Variants in HS6ST3 observed in about 807,000 individuals in gnomAD.
HS6ST3 encodes the protein heparan-sulfate 6-O-sulfotransferase 3.
Under a neutral mutation model 36.7 loss-of-function variants are expected in HS6ST3, and 12 were observed. That is an observed-to-expected ratio of 0.33 (90% confidence interval 0.21 to 0.53). The LOEUF is 0.53. HS6ST3 is among the 20% of genes least tolerant of loss of function. HS6ST3 has a pLI of 0.95. For missense variants in HS6ST3, 584 were observed against 640.9 expected, an observed-to-expected ratio of 0.91 and a Z score of 0.96; for synonymous variants, 240 against 257.5, an observed-to-expected ratio of 0.93 and a Z score of 0.65.
intron 1 of HS6ST3, among the ~76,000 whole-genome samples, chr13:96,496,302 G>A (rs1013047000): frequency 3.3e-5 from 5 of 152,156 alleles, no homozygotes; most frequent in African/African-American, 1.2e-4. Flanking sequence ...AAAATATTCT[G>A]TGGAACTCTG....
intron 1 of HS6ST3, among the ~76,000 whole-genome samples, chr13:96,441,178 G>C (rs1159617547): frequency 4.6e-5 from 7 of 152,132 alleles, no homozygotes; most frequent in African/African-American, 1.7e-4. Flanking sequence ...TAGATTTCCA[G>C]CCTCTAGAAC....
chr13:96,731,440 G>A (rs1012871646), intron 1 of HS6ST3, among the ~76,000 whole-genome samples: 1 of 152,050 alleles, frequency 6.6e-6, no homozygotes, highest in African/African-American at 2.4e-5. Context: ...TTTTATGGCT[G>A]TATAGTATCC....
At chr13:96,118,735 G>A (rs1366530276) in intron 1 of HS6ST3, among the ~76,000 whole-genome samples, 1 of 101,788 alleles carries the variant, frequency 9.8e-6, no homozygotes, top group Non-Finnish European at 1.8e-5. Flanking sequence ...ACGGAGTCTC[G>A]CTCTGTCGCC....
At chr13:96,367,582 C>T (rs1594764216) in intron 1 of HS6ST3, among the ~76,000 whole-genome samples, 1 of 152,206 alleles carries the variant, frequency 6.6e-6, no homozygotes, top group African/African-American at 2.4e-5. Flanking sequence ...TTCTTCTGTT[C>T]TTAGGACAGT....
At chr13:96,381,702 T>C (rs980138705) in intron 1 of HS6ST3, among the ~76,000 whole-genome samples, 3 of 152,168 alleles carry the variant, frequency 2.0e-5, no homozygotes, top group African/African-American at 7.2e-5. Context: ...GCTGTGGCTG[T>C]GGAGTCTTAA....
intron 1 of HS6ST3, among the ~76,000 whole-genome samples, chr13:96,815,787 C>T (rs1398234932): frequency 6.6e-6 from 1 of 152,168 alleles, no homozygotes. Flanking sequence ...CTCTTTATAA[C>T]TTTAAGTTAT....
At chr13:96,165,866 G>T (rs1187434550) in intron 1 of HS6ST3, among the ~76,000 whole-genome samples, 1 of 152,084 alleles carries the variant, frequency 6.6e-6, no homozygotes, top group Non-Finnish European at 1.5e-5. Context: ...AGTTATGGCA[G>T]GGTACGGTGT....
At chr13:96,376,231 A>G (rs1001689846) in intron 1 of HS6ST3, among the ~76,000 whole-genome samples, 1 of 152,222 alleles carries the variant, frequency 6.6e-6, no homozygotes, top group Non-Finnish European at 1.5e-5. Context: ...TATCTTTTAT[A>G]GAACAAATGT....
At position 96,192,905 on chromosome 13, in the gene HS6ST3, G is replaced by A. The variant is rs757663771; in HGVS notation, c.707+101336G>A. Among the ~76,000 whole-genome samples the A allele has an allele frequency of 5.9e-5, 9 of 152,188 alleles. No individual in the cohort carries two copies. In the South Asian group the frequency reaches 1.5e-3, roughly 25 times the overall value. On this transcript the variant is annotated intron_variant, in intron 1 of 1. Transcript: ENST00000376705. ...GTGAAAAATGGTGCAATATAAGGAC[G>A]GGTTGAAGGAAAAAGTTTTTCTGAG...
chr13:96,346,672 A>G (rs1199964115), intron 1 of HS6ST3, among the ~76,000 whole-genome samples: 3 of 152,152 alleles, frequency 2.0e-5, no homozygotes, highest in African/African-American at 7.2e-5. Context: ...AATGTGCTAA[A>G]ACTTGGGCAT....
At chr13:96,462,590 C>A (rs557744572) in intron 1 of HS6ST3, among the ~76,000 whole-genome samples, 24 of 152,212 alleles carry the variant, frequency 1.6e-4, no homozygotes, top group African/African-American at 5.5e-4. Context: ...TGTCACAATT[C>A]CTCATTTTTA....
intron 1 of HS6ST3, among the ~76,000 whole-genome samples, chr13:96,664,067 T>C (rs2056655404): frequency 6.6e-6 from 1 of 152,162 alleles, no homozygotes; most frequent in Admixed American, 6.5e-5. Flanking sequence ...GGTTGCCAAC[T>C]CTATAAATTT....
At chr13:96,124,224 A>G (rs1193832106) in intron 1 of HS6ST3, among the ~76,000 whole-genome samples, 1 of 152,180 alleles carries the variant, frequency 6.6e-6, no homozygotes, top group Non-Finnish European at 1.5e-5. Flanking sequence ...CTGTTGTTCT[A>G]CTGAATTGCC....
intron 1 of HS6ST3, among the ~76,000 whole-genome samples, chr13:96,375,923 G>T (rs2055312553): frequency 6.6e-6 from 1 of 152,146 alleles, no homozygotes; most frequent in Admixed American, 6.6e-5. Flanking sequence ...GATAATTTAA[G>T]CCAGCACTTC....
chr13:96,762,665 C>T (rs1876999445), intron 1 of HS6ST3, among the ~76,000 whole-genome samples: 1 of 152,158 alleles, frequency 6.6e-6, no homozygotes, highest in Admixed American at 6.5e-5. Flanking sequence ...CCTTGCCACA[C>T]TGTGAATAAA....
In HS6ST3 at chr13:96,317,326, TTATATATATA is replaced by T. The variant is rs537839404; in HGVS notation, c.707+225790_707+225799del. On this transcript the variant is annotated intron_variant, in intron 1 of 1. Transcript: ENST00000376705. ...CTTTTTATGGCTGTGTAGTATTCCA[TTATATATATA>T]TATATATATATATATATATATATAT... is the stretch of plus-strand genomic sequence containing the variant. Among the ~76,000 whole-genome samples, 162 of 96,914 alleles carry T rather than the reference TTATATATATA, an allele frequency of 1.7e-3. 1 individual carries two copies. Among genetic ancestry groups the T allele is most frequent in the African/African-American group, 5.1e-3 (140 of 27,380 alleles). 63.6% of individuals were successfully genotyped at this position (96,914 alleles called of 152,430 possible).
At chr13:96,181,703 G>A (rs991290372) in intron 1 of HS6ST3, among the ~76,000 whole-genome samples, 5 of 152,290 alleles carry the variant, frequency 3.3e-5, no homozygotes, top group African/African-American at 9.6e-5. Flanking sequence ...TGCCCAACAT[G>A]CTCCTAAAAC....
At chr13:96,218,684 C>T (rs114094040) in intron 1 of HS6ST3, among the ~76,000 whole-genome samples, 2,351 of 152,112 alleles carry the variant, frequency 0.015, 62 homozygotes, top group African/African-American at 0.054. Flanking sequence ...TGCTGAAGGG[C>T]TGGGTTTAGA....
chr13:96,144,615 A>T (rs1422590766), intron 1 of HS6ST3, among the ~76,000 whole-genome samples: 2 of 151,898 alleles, frequency 1.3e-5, no homozygotes, highest in Non-Finnish European at 2.9e-5. Flanking sequence ...TTGCTTATAA[A>T]TAAAATTATT....
Sources: gnomAD v4.1 joint callset for allele counts (sites outside exome capture counted in the v4.1 genomes callset) on GRCh38, gnomAD v4.1.1 for gene constraint, MANE v1.5 for transcripts, NCBI Gene and HGNC (gene_info 2026-07-23, HGNC 2026-07-21) for gene names.